CCDC171: variants seen among roughly 807,000 people sequenced by gnomAD.
The protein encoded by CCDC171 is coiled-coil domain containing 171, also known as coiled-coil domain-containing protein 171.
CCDC171 carries 177 observed loss-of-function variants against 168.2 expected under a neutral mutation model. The observed-to-expected ratio is 1.05, with a 90% confidence interval of 0.93 to 1.19. The LOEUF (loss-of-function observed/expected upper bound fraction) is 1.19, where lower values mean the gene tolerates loss of function less well. Among genes scored for constraint, CCDC171 ranks in the 50% most tolerant of loss-of-function variants. The pLI, the probability that CCDC171 is intolerant of heterozygous loss-of-function variation, is 0.00. For missense variants in CCDC171, 1,991 were observed against 1,539.0 expected, an observed-to-expected ratio of 1.29 and a Z score of -4.91; for synonymous variants, 687 against 540.8, an observed-to-expected ratio of 1.27 and a Z score of -3.75.
At chr9:15,864,476 G>A (rs148438324) in intron 23 of CCDC171, among the ~76,000 whole-genome samples, 142 of 151,856 alleles carry the variant, frequency 9.4e-4, no homozygotes, top group Middle Eastern at 6.8e-3. Context: ...CGCACCCCAC[G>A]ACAGGCCCCA....
chr9:15,673,387 T>C (rs577826819), intron 9 of CCDC171, among the ~76,000 whole-genome samples: 2 of 152,138 alleles, frequency 1.3e-5, no homozygotes, highest in Non-Finnish European at 2.9e-5. Flanking sequence ...TCCAACACTA[T>C]GTTGAATTAA....
intron 24 of CCDC171, among the ~76,000 whole-genome samples, chr9:15,915,938 A>G (rs552806499): frequency 5.7e-4 from 87 of 152,238 alleles, no homozygotes; most frequent in African/African-American, 1.7e-3. Flanking sequence ...ATATTGAACC[A>G]TCCTTGCATT....
chr9:15,569,846 C>CAAA (rs1314811546), intron 2 of CCDC171, among the ~76,000 whole-genome samples: 308 of 139,814 alleles, frequency 2.2e-3, no homozygotes, highest in African/African-American at 7.9e-3. Context: ...AACAAACAAA[C>CAAA]AAAAAAAAAA....
At chr9:15,846,500 A>G (rs1237326010) in intron 21 of CCDC171, among the ~76,000 whole-genome samples, 5 of 152,154 alleles carry the variant, frequency 3.3e-5, no homozygotes, top group Non-Finnish European at 5.9e-5. Flanking sequence ...ATTTTGTAAC[A>G]ATTTCCCAAA....
chr9:15,905,946 A>G (rs1486968195), intron 24 of CCDC171, among the ~76,000 whole-genome samples: 4 of 152,224 alleles, frequency 2.6e-5, no homozygotes, highest in Non-Finnish European at 5.9e-5. Context: ...ATTCCTGGAC[A>G]CATACACCCT....
At chr9:15,699,373 T>G (rs1474689157) in intron 11 of CCDC171, among the ~76,000 whole-genome samples, 1 of 152,112 alleles carries the variant, frequency 6.6e-6, no homozygotes, top group Non-Finnish European at 1.5e-5. Context: ...GTAGCAAGAT[T>G]TATTGCAAAG....
chr9:15,977,062 C>T (rs1004118087), downstream of CCDC171, among the ~76,000 whole-genome samples: 5 of 152,240 alleles, frequency 3.3e-5, no homozygotes, highest in African/African-American at 1.2e-4. Flanking sequence ...TTAAGTGAGA[C>T]ATAAATGTGT....
intron 7 of CCDC171, among the ~76,000 whole-genome samples, chr9:15,636,120 C>T (rs886229255): frequency 5.9e-5 from 9 of 151,994 alleles, no homozygotes; most frequent in African/African-American, 2.2e-4. Flanking sequence ...CCCTTAGACC[C>T]TTCTCTTTTT....
intron 21 of CCDC171, among the ~76,000 whole-genome samples, chr9:15,810,960 A>C (rs1353242357): frequency 6.6e-6 from 1 of 152,234 alleles, no homozygotes; most frequent in Non-Finnish European, 1.5e-5. Flanking sequence ...ATCTCTCAAC[A>C]CTAGCCACAT....
chr9:15,623,302 A>G lies in CCDC171; in HGVS notation c.711A>G (p.Lys237=). The part of the protein sequence containing the change: ...QDTAVQNMHK[K]VEKLETEHMD... Reference sequence around the variant, plus strand: ...CTGCTGTGCAAAATATGCATAAGAAAGTAGAAAAATTAGAAACAGAACATA... The same window carrying G: ...CTGCTGTGCAAAATATGCATAAGAAGGTAGAAAAATTAGAAACAGAACATA... Residue 237 remains lysine, a synonymous_variant, in exon 7 of 26, where the codon AAA becomes AAG. Coordinates refer to ENST00000380701, the MANE Select transcript of CCDC171 (RefSeq NM_173550.4). 1 of 1,600,034 alleles carries G rather than the reference A, an allele frequency of 6.2e-7. No homozygotes were observed. Among genetic ancestry groups the G allele is most frequent in the Middle Eastern group, 1.7e-4 (1 of 6,002 alleles).
intron 21 of CCDC171, among the ~76,000 whole-genome samples, chr9:15,797,315 C>G (rs754034324): frequency 6.6e-6 from 1 of 152,150 alleles, no homozygotes; most frequent in African/African-American, 2.4e-5. Context: ...CTCCTGGGCT[C>G]AACTAATCCT....
chr9:15,948,905 T>G lies in CCDC171; in HGVS notation c.3754-22704T>G, dbSNP rs562161738. Among the ~76,000 whole-genome samples, 42 of 152,286 alleles carry G rather than the reference T, an allele frequency of 2.8e-4. No homozygotes were observed. In the South Asian group the frequency reaches 7.1e-3, roughly 26 times the overall value. ...GACATGAAGTCCTTGCCCATGCCTA[T>G]GTCCTGAATGGTAATGCCTAGGTTT... On this transcript the variant is annotated intron_variant, in intron 25 of 25. Coordinates refer to ENST00000380701, the MANE Select transcript of CCDC171 (RefSeq NM_173550.4).
intron 25 of CCDC171, among the ~76,000 whole-genome samples, chr9:15,932,536 A>G (rs1440020592): frequency 6.6e-6 from 1 of 151,866 alleles, no homozygotes; most frequent in Non-Finnish European, 1.5e-5. Context: ...TTCTATGTAT[A>G]AGATTATGCT....
rs2039526169 is a variant in CCDC171 at position 15,564,039 on chromosome 9, A to C, written c.-50A>C. 1 of 1,447,140 alleles carries C rather than the reference A, an allele frequency of 6.9e-7. No individual in the cohort carries two copies. Among genetic ancestry groups the C allele is most frequent in the East Asian group, 2.3e-5 (1 of 43,748 alleles). The allele number at this position is 1,447,140 out of a possible 1,614,324, so 89.6% of individuals were successfully genotyped here. A position where few individuals can be genotyped will look rare whatever the true frequency, so the allele number is the denominator to read the frequency against. On this transcript the variant is annotated 5_prime_UTR_variant, in exon 2 of 26. Transcript: ENST00000380701. The stretch of plus-strand genomic sequence containing the variant: ...GGGCAATTTTAATCATCAAGAAAGA[A>C]ATATGTCATTAAGAAATAGCAGGGT...
the CCDC171 span, among the ~76,000 whole-genome samples, chr9:16,085,449 G>A: frequency 1.4e-4 from 22 of 152,194 alleles, no homozygotes; most frequent in Non-Finnish European, 2.2e-4. Flanking sequence ...TAGGAAGCCA[G>A]TGCCACTGGC....
In CCDC171 at chr9:15,880,028, G is replaced by C. The variant is rs537945071; in HGVS notation, c.3600+5365G>C. 3.3e-5 allele frequency among the ~76,000 whole-genome samples: 5 copies of C among 151,890 alleles called. No homozygotes were observed. In the South Asian group the frequency reaches 1.0e-3, roughly 32 times the overall value. On this transcript the variant is annotated intron_variant, in intron 24 of 25. Transcript: ENST00000380701. ...AGTTTTTTCCTCTTTTTATAATTTT[G>C]GTCTTCCCTGAATTTGCAGACATCC...
At chr9:15,864,302 G>A (rs1006369167) in intron 23 of CCDC171, among the ~76,000 whole-genome samples, 1 of 151,748 alleles carries the variant, frequency 6.6e-6, no homozygotes, top group Non-Finnish European at 1.5e-5. Context: ...TGATAATACA[G>A]GAATTATTAT....
intron 24 of CCDC171, among the ~76,000 whole-genome samples, chr9:15,902,907 T>G (rs1821923340): frequency 6.6e-6 from 1 of 152,064 alleles, no homozygotes; most frequent in African/African-American, 2.4e-5. Flanking sequence ...GCTCAGAGGG[T>G]CCTACACCCA....
At chr9:15,674,879 C>T (rs143241445) in intron 9 of CCDC171, among the ~76,000 whole-genome samples, 8 of 152,084 alleles carry the variant, frequency 5.3e-5, no homozygotes, top group Non-Finnish European at 8.8e-5. Flanking sequence ...GTTAGGTCTG[C>T]TTGGTGCAGA....
Sources: gnomAD v4.1 joint callset for allele counts (sites outside exome capture counted in the v4.1 genomes callset) on GRCh38, gnomAD v4.1.1 for gene constraint, MANE v1.5 for transcripts, NCBI Gene and HGNC (gene_info 2026-07-23, HGNC 2026-07-21) for gene names.